C1orf54: variants seen among roughly 807,000 people sequenced by gnomAD.
The protein encoded by C1orf54 is uncharacterized protein C1orf54.
A neutral mutation model predicts 14.7 loss-of-function variants in C1orf54; 12 were observed. The observed-to-expected ratio is 0.82, with a 90% confidence interval of 0.52 to 1.32. C1orf54 has a LOEUF of 1.32. Ranked by LOEUF, C1orf54 falls within the 40% of genes most tolerant of loss-of-function variation. C1orf54 has a pLI of 0.00. For missense variants in C1orf54, 163 were observed against 162.2 expected, an observed-to-expected ratio of 1.00 and a Z score of -0.03; for synonymous variants, 65 against 56.3, an observed-to-expected ratio of 1.16 and a Z score of -0.70.
At chr1:150,268,751 A>G (rs781935638), upstream of C1orf54, 1 of 1,613,898 alleles carries the variant, frequency 6.2e-7, no homozygotes, top group Non-Finnish European at 8.5e-7. Context: ...TGATCAAGAA[A>G]AGCGCGAAGG....
chr1:150,276,566 T>C lies in C1orf54; in HGVS notation c.234T>C (p.Ile78=), dbSNP rs1553852532. Residue 78 remains isoleucine, a synonymous_variant, in exon 4 of 6, where the codon ATT becomes ATC. Coordinates refer to ENST00000369099, the MANE Select transcript of C1orf54 (RefSeq NM_024579.4). The stretch of plus-strand genomic sequence containing the variant: ...TAACAGAAGCAATAGAGACTACCAT[T>C]AGTCTTGAAACAGCACGTGCAGACC... The part of the protein sequence containing the change: ...KDITEAIETT[I]SLETARADHP... The C allele has an allele frequency of 6.2e-7, 1 of 1,614,102 alleles. No individual in the cohort carries two copies. The highest frequency in any genetic ancestry group is 1.1e-5 in the South Asian group (1 of 91,080).
At chr1:150,279,338 T>C (rs1485740495) in intron 4 of C1orf54, among the ~76,000 whole-genome samples, 3 of 152,216 alleles carry the variant, frequency 2.0e-5, no homozygotes, top group Non-Finnish European at 4.4e-5. Flanking sequence ...ACAGGAATCT[T>C]GTCTTATTCA....
intron 1 of C1orf54, 130 bp downstream of exon 1, chr1:150,272,993 G>T: frequency 9.4e-7 from 1 of 1,065,224 alleles, no homozygotes; most frequent in South Asian, 1.4e-5. Context: ...ATCGTGCTGG[G>T]GTCCGGTGTT....
chr1:150,279,716 A>C lies in C1orf54; in HGVS notation c.374A>C (p.Gln125Pro), dbSNP rs1553853127. ...CTCCTCCTGTCGTGTGCCTTTGTTCAGGTGGGGATGTATTTCATGTAGAAG... is the reference window on the plus strand; with the variant it reads ...CTCCTCCTGTCGTGTGCCTTTGTTCCGGTGGGGATGTATTTCATGTAGAAG... ...IPLLLSCAFV[Q>P]VGMYFM Residue 125 changes from glutamine (Q) to proline (P), a missense_variant, in exon 5 of 6, where the codon CAG becomes CCG. Transcript: ENST00000369099. 1 of 1,612,776 alleles carries C rather than the reference A, an allele frequency of 6.2e-7. No homozygotes were observed. Among genetic ancestry groups the C allele is most frequent in the Admixed American group, 1.7e-5 (1 of 59,812 alleles).
chr1:150,279,621 G>A, intron 4 of C1orf54, 22 bp from the exon 5 acceptor site: 1 of 1,601,476 alleles, frequency 6.2e-7, no homozygotes, highest in South Asian at 1.1e-5. Flanking sequence ...CCTACTGTGT[G>A]GGGATGTCGG....
At chr1:150,275,870 C>T in intron 3 of C1orf54, 71 bp downstream of exon 3, 3 of 1,364,560 alleles carry the variant, frequency 2.2e-6, no homozygotes, top group Middle Eastern at 2.0e-4. Flanking sequence ...GGCGCAGTGG[C>T]TCATGCCTAT....
chr1:150,277,373 C>T (rs1553852719), intron 4 of C1orf54, among the ~76,000 whole-genome samples: 1 of 151,532 alleles, frequency 6.6e-6, no homozygotes, highest in Non-Finnish European at 1.5e-5. Context: ...CGTGGTGGTG[C>T]GTGCCTGTAA....
chr1:150,271,120 C>CT (rs1161498956), upstream of C1orf54, among the ~76,000 whole-genome samples: 33 of 147,356 alleles, frequency 2.2e-4, no homozygotes, highest in South Asian at 8.8e-4. Context: ...ATTCTCATGT[C>CT]TTTTTTTTTT....
chr1:150,275,271 C>T (rs999329680), intron 2 of C1orf54, among the ~76,000 whole-genome samples: 2 of 151,888 alleles, frequency 1.3e-5, no homozygotes, highest in African/African-American at 2.4e-5. Context: ...CTCCTGATCT[C>T]GTGATCTGCC....
intron 4 of C1orf54, 26 bp from the exon 5 acceptor site, chr1:150,279,617 G>C: frequency 6.3e-7 from 1 of 1,598,434 alleles, no homozygotes; most frequent in Non-Finnish European, 8.5e-7. Context: ...CCAGCCTACT[G>C]TGTGGGGATG....
Position 150,276,556 on chromosome 1 carries a change from A to G in C1orf54, c.224A>G (p.Glu75Gly), listed in dbSNP as rs1219129526. The change falls in exon 4 of 6, where the codon GAG (glutamate) becomes GGG (glycine). Residue 75 changes from glutamate (E) to glycine (G), a missense_variant. Transcript: ENST00000369099. ...RLDKDITEAI[E>G]TTISLETARA... ...GATAAGGACATAACAGAAGCAATAG[A>G]GACTACCATTAGTCTTGAAACAGCA... 1 of 1,614,166 alleles carries G rather than the reference A, an allele frequency of 6.2e-7. No individual in the cohort carries two copies. The highest frequency in any genetic ancestry group is 1.1e-5 in the South Asian group (1 of 91,082).
rs141597726 is a variant in C1orf54 at position 150,275,584 on chromosome 1, TCA to T, written c.131-154_131-153del. Among the ~76,000 whole-genome samples, 1,196 of 152,348 alleles carry T rather than the reference TCA, an allele frequency of 7.9e-3. 21 individuals carry two copies. The highest frequency in any genetic ancestry group is 0.027 in the African/African-American group (1,123 of 41,578). ...ATTGAAAATATAAATGCATACACATTCACAGTCATTTTTAACATTAGTTAAAT... is the reference window on the plus strand; with the variant it reads ...ATTGAAAATATAAATGCATACACATTCAGTCATTTTTAACATTAGTTAAAT... On this transcript the variant is annotated intron_variant, in intron 2 of 5. Coordinates refer to ENST00000369099, the MANE Select transcript of C1orf54 (RefSeq NM_024579.4).
At chr1:150,272,577 TAAG>T, upstream of C1orf54, 1 of 540,380 alleles carries the variant, frequency 1.9e-6, no homozygotes, top group South Asian at 2.1e-5. Context: ...AGGGGGAGCT[TAAG>T]AAACATGTTT....
chr1:150,273,785 T>C (rs1652401181), intron 1 of C1orf54, among the ~76,000 whole-genome samples: 1 of 152,194 alleles, frequency 6.6e-6, no homozygotes, highest in Non-Finnish European at 1.5e-5. Flanking sequence ...TTTTCCTACC[T>C]TTTTTAGGTC....
intron 4 of C1orf54, among the ~76,000 whole-genome samples, chr1:150,278,040 T>C (rs1652808841): frequency 6.6e-6 from 1 of 152,078 alleles, no homozygotes; most frequent in Non-Finnish European, 1.5e-5. Context: ...GAGGTTGCAG[T>C]GAGCCGAAAT....
chr1:150,280,853 G>A lies in C1orf54; in HGVS notation c.*22G>A. 6.5e-7 allele frequency: 1 copy of A among 1,550,286 alleles called. No individual in the cohort carries two copies. Among genetic ancestry groups the A allele is most frequent in the Non-Finnish European group, 8.7e-7 (1 of 1,146,894 alleles). ...TTTTTAGGTGGAAGAAGGCTGCTAT[G>A]ACTCTTTGGATGGGAGTCTGGCAAG... On this transcript the variant is annotated 3_prime_UTR_variant, in exon 6 of 6. Coordinates refer to ENST00000369099, the MANE Select transcript of C1orf54 (RefSeq NM_024579.4).
At chr1:150,276,668 A>G in intron 4 of C1orf54, 36 bp downstream of exon 4, 1 of 1,523,332 alleles carries the variant, frequency 6.6e-7, no homozygotes, top group East Asian at 2.3e-5. Flanking sequence ...GGGGGGAGAC[A>G]GGACATCCCT....
chr1:150,277,822 G>A (rs184085236), intron 4 of C1orf54, among the ~76,000 whole-genome samples: 20 of 152,314 alleles, frequency 1.3e-4, no homozygotes, highest in African/African-American at 4.8e-4. Context: ...AACCGGCCAG[G>A]TGTGGTGGCT....
intron 4 of C1orf54, among the ~76,000 whole-genome samples, chr1:150,278,580 G>A (rs11584761): frequency 0.085 from 12,884 of 152,234 alleles, 719 homozygotes; most frequent in Non-Finnish European, 0.12. Flanking sequence ...GTGGGAGGAA[G>A]AGAAATTAAT....
Sources: allele counts gnomAD v4.1 joint callset (sites outside exome capture counted in the v4.1 genomes callset), GRCh38; gene constraint gnomAD v4.1.1; transcripts MANE v1.5; gene names NCBI Gene and HGNC (gene_info 2026-07-23, HGNC 2026-07-21).